SFMBT2: variants seen among roughly 807,000 people sequenced by gnomAD.
The protein encoded by SFMBT2 is Scm like with four mbt domains 2.
SFMBT2 carries 38 observed loss-of-function variants against 110.1 expected under a neutral mutation model. The ratio of observed to expected loss-of-function variants is 0.35; its 90% confidence interval spans 0.27 to 0.45. The LOEUF (loss-of-function observed/expected upper bound fraction) is 0.45. Among genes scored for constraint, SFMBT2 ranks in the 20% least tolerant of loss-of-function variants. The pLI, the probability that SFMBT2 is intolerant of heterozygous loss-of-function variation, is 1.00. For synonymous variants in SFMBT2, 425 were observed against 425.4 expected (o/e 1.00, Z 0.01); for missense variants, 1,011 against 1,094.9 (o/e 0.92, Z 1.08).
chr10:7,322,251 A>T (rs992933689), intron 4 of SFMBT2, among the ~76,000 whole-genome samples: 1 of 152,208 alleles, frequency 6.6e-6, no homozygotes, highest in African/African-American at 2.4e-5. Context: ...GCCTGCCACC[A>T]TGTAAGATGT....
At chr10:7,173,662 C>T (rs948911012) in intron 17 of SFMBT2, among the ~76,000 whole-genome samples, 1 of 152,066 alleles carries the variant, frequency 6.6e-6, no homozygotes, top group Non-Finnish European at 1.5e-5. Context: ...TAATGAAAAC[C>T]ACCACTAAGG....
intron 4 of SFMBT2, among the ~76,000 whole-genome samples, chr10:7,288,198 G>T (rs960337239): frequency 1.3e-5 from 2 of 152,056 alleles, no homozygotes; most frequent in African/African-American, 4.8e-5. Context: ...CATCACTAAC[G>T]TGCCTCTCAG....
At chr10:7,306,978 A>G (rs541817230) in intron 4 of SFMBT2, among the ~76,000 whole-genome samples, 1 of 152,368 alleles carries the variant, frequency 6.6e-6, no homozygotes, top group Admixed American at 6.5e-5. Flanking sequence ...CCTGATAACC[A>G]TGGGGTAGAA....
At chr10:7,350,585 G>A (rs954583113) in intron 4 of SFMBT2, among the ~76,000 whole-genome samples, 1 of 152,172 alleles carries the variant, frequency 6.6e-6, no homozygotes, top group African/African-American at 2.4e-5. Context: ...TAATTTTTGT[G>A]TAGCTTGTCA....
At chr10:7,204,580 T>C in intron 12 of SFMBT2, 2 of 806,938 alleles carry the variant, frequency 2.5e-6, no homozygotes, top group Non-Finnish European at 3.0e-6. Flanking sequence ...TACAAAAATA[T>C]GTTAAAACAC....
Position 7,367,568 on chromosome 10 carries a change from G to A in SFMBT2, c.436+81C>T. ...AAGACCATTAGGGATTCTACGCAAG[G>A]TTCTCTCTGCTCCTTGCAAAATTAC... On this transcript the variant is annotated intron_variant, in intron 4 of 20. Transcript: ENST00000397167. This position sits in a 1 kb window ranked among gnomAD's most constrained non-coding sequence, Gnocchi z 6.2. 1 of 1,538,614 alleles carries A rather than the reference G, an allele frequency of 6.5e-7. No homozygotes were observed. Among genetic ancestry groups the A allele is most frequent in the Non-Finnish European group, 8.7e-7 (1 of 1,146,804 alleles).
At chr10:7,180,673 C>T (rs912141191) in intron 16 of SFMBT2, among the ~76,000 whole-genome samples, 1 of 152,100 alleles carries the variant, frequency 6.6e-6, no homozygotes, top group Non-Finnish European at 1.5e-5. Flanking sequence ...TCCCAAGGGC[C>T]CTCCTTGATG....
chr10:7,381,515 G>A (rs1296484410), intron 2 of SFMBT2, among the ~76,000 whole-genome samples: 2 of 152,120 alleles, frequency 1.3e-5, no homozygotes, highest in African/African-American at 2.4e-5. Context: ...GGTGCACAAC[G>A]ACTCCATGCT....
intron 4 of SFMBT2, among the ~76,000 whole-genome samples, chr10:7,288,584 T>C (rs1842170176): frequency 1.3e-5 from 2 of 152,192 alleles, no homozygotes; most frequent in African/African-American, 2.4e-5. Context: ...CTAGGGTCAC[T>C]GAGACGAAAA....
rs147299896 is a variant in SFMBT2, at chr10:7,386,178, T to C, written c.-51-4229A>G. Among the ~76,000 whole-genome samples the C allele has an allele frequency of 1.6e-3, 246 of 152,056 alleles. 2 individuals are homozygous for C. The highest frequency in any genetic ancestry group is 5.5e-3 in the African/African-American group (230 of 41,446). On this transcript the variant is annotated intron_variant, in intron 1 of 20. Transcript: ENST00000397167. ...TCAGGGACGGCTTCCCTGTGCTGAG[T>C]GTATGTGTGTATTTTGTGGGTATGT... is the stretch of plus-strand genomic sequence containing the variant.
intron 7 of SFMBT2, among the ~76,000 whole-genome samples, chr10:7,264,666 A>G (rs1157230606): frequency 6.6e-6 from 1 of 152,166 alleles, no homozygotes; most frequent in Non-Finnish European, 1.5e-5. Flanking sequence ...CTAGGGAGTC[A>G]CTGCCCAGCC....
intron 1 of SFMBT2, among the ~76,000 whole-genome samples, chr10:7,389,510 C>T (rs1403483677): frequency 6.6e-6 from 1 of 152,136 alleles, no homozygotes; most frequent in African/African-American, 2.4e-5. Context: ...AAGGTAACTT[C>T]CTGTTTTATA....
At chr10:7,268,942 G>A (rs1018359688) in intron 7 of SFMBT2, among the ~76,000 whole-genome samples, 4 of 152,110 alleles carry the variant, frequency 2.6e-5, no homozygotes, top group African/African-American at 4.8e-5. Context: ...TGAGAGCCAC[G>A]GTGATATACA....
chr10:7,306,734 AAG>A (rs1260993859), intron 4 of SFMBT2, among the ~76,000 whole-genome samples: 6 of 94,482 alleles, frequency 6.4e-5, no homozygotes, highest in African/African-American at 2.3e-4. Context: ...AAGCCAAGAA[AAG>A]GGGGGAAAAA....
chr10:7,265,897 T>A (rs563202402), intron 7 of SFMBT2, among the ~76,000 whole-genome samples: 1 of 152,266 alleles, frequency 6.6e-6, no homozygotes, highest in South Asian at 2.1e-4. Flanking sequence ...AATACAAACT[T>A]GGCTCTCGCA....
At chr10:7,286,719 T>C (rs1842102078) in intron 4 of SFMBT2, among the ~76,000 whole-genome samples, 1 of 152,196 alleles carries the variant, frequency 6.6e-6, no homozygotes, top group Non-Finnish European at 1.5e-5. Context: ...TGTTCGAGAC[T>C]TGATCATCTG....
chr10:7,359,895 C>T (rs1465101668), intron 4 of SFMBT2, among the ~76,000 whole-genome samples: 3 of 152,046 alleles, frequency 2.0e-5, no homozygotes, highest in Non-Finnish European at 4.4e-5. Context: ...ATTTACAGAC[C>T]TCCTGCTATT....
At chr10:7,365,337 G>GTT (rs1844858287) in intron 4 of SFMBT2, among the ~76,000 whole-genome samples, 2 of 152,174 alleles carry the variant, frequency 1.3e-5, no homozygotes, top group African/African-American at 4.8e-5. Context: ...TCCTCCTTTC[G>GTT]TAACAATGAC....
chr10:7,244,316 G>C, intron 8 of SFMBT2: 1 of 225,954 alleles, frequency 4.4e-6, no homozygotes, highest in Non-Finnish European at 7.4e-6. Context: ...CTTCTGATCT[G>C]GCTGGAATAA....
Sources: gnomAD v4.1 joint callset for allele counts (sites outside exome capture counted in the v4.1 genomes callset) on GRCh38, gnomAD v4.1.1 for gene constraint, Gnocchi (gnomAD v3.1) non-coding constraint, MANE v1.5 for transcripts, NCBI Gene and HGNC (gene_info 2026-07-23, HGNC 2026-07-21) for gene names.